The following PTPRD variants were observed in gnomAD, a reference collection of about 807,000 sequenced individuals.
The protein encoded by PTPRD is protein tyrosine phosphatase receptor type D, also known as receptor-type tyrosine-protein phosphatase delta.
PTPRD carries 34 observed loss-of-function variants against 214.5 expected under a neutral mutation model. The ratio of observed to expected loss-of-function variants is 0.16; its 90% CI spans 0.12 to 0.21. PTPRD has a LOEUF of 0.21. Among genes scored for constraint, PTPRD ranks in the 10% least tolerant of loss-of-function variants. The probability of loss-of-function intolerance (pLI) is 1.00; values close to 1 mark genes in which losing one functional copy is unlikely to be tolerated. For missense variants in PTPRD, 2,545 were observed against 2,398.7 expected (o/e 1.06, Z -1.27); for synonymous variants, 1,128 against 845.7 (o/e 1.33, Z -5.79).
intron 2 of PTPRD, among the ~76,000 whole-genome samples, chr9:10,421,428 T>G (rs1420102996): frequency 2.0e-5 from 3 of 152,076 alleles, no homozygotes; most frequent in South Asian, 4.1e-4. Flanking sequence ...ATAGAAGAGA[T>G]ATGAATTATA....
At position 10,211,830 on chromosome 9, in the gene PTPRD, G is replaced by A. The variant is rs558815635; in HGVS notation, c.-545+129133C>T. Among the ~76,000 whole-genome samples, 14 of 152,184 alleles carry A rather than the reference G, an allele frequency of 9.2e-5. 1 individual carries two copies. Among genetic ancestry groups the A allele is most frequent in the African/African-American group, 3.4e-4 (14 of 41,524 alleles). On this transcript the variant is annotated intron_variant, in intron 3 of 45. Transcript: ENST00000381196. ...AAGAAGAGAGGGGGGTGAGGGATGA[G>A]AAATTACTTAACAGGTACAATGTAC...
intron 5 of PTPRD, among the ~76,000 whole-genome samples, chr9:9,845,502 T>A (rs1194806484): frequency 6.6e-6 from 1 of 151,070 alleles, no homozygotes; most frequent in Non-Finnish European, 1.5e-5. Flanking sequence ...GAGGGTGAGG[T>A]GGGGGGCATC....
chr9:8,330,207 C>CACTGTCCAACCAGTCCCAATG (rs1838646788), intron 44 of PTPRD, among the ~76,000 whole-genome samples: 1 of 152,150 alleles, frequency 6.6e-6, no homozygotes, highest in Non-Finnish European at 1.5e-5. Flanking sequence ...GGGCTGCACC[C>CACTGTCCAACCAGTCCCAATG]ACTGTCCAAC....
intron 4 of PTPRD, among the ~76,000 whole-genome samples, chr9:10,030,675 C>T (rs1041050931): frequency 6.6e-5 from 10 of 152,250 alleles, no homozygotes; most frequent in African/African-American, 2.2e-4. Flanking sequence ...CTGGATTCCA[C>T]GTGGAGAATC....
At chr9:9,761,846 G>A (rs1001160117) in intron 6 of PTPRD, among the ~76,000 whole-genome samples, 13 of 152,010 alleles carry the variant, frequency 8.6e-5, no homozygotes, top group South Asian at 6.2e-4. Context: ...CAAAATCTGC[G>A]AATTATTCCA....
chr9:9,114,420 C>T (rs560342062), intron 10 of PTPRD, among the ~76,000 whole-genome samples: 20 of 152,246 alleles, frequency 1.3e-4, no homozygotes, highest in African/African-American at 4.6e-4. Flanking sequence ...GCTTGTACAA[C>T]ATGTAAAACC....
intron 9 of PTPRD, among the ~76,000 whole-genome samples, chr9:9,334,690 T>G (rs905392325): frequency 1.3e-5 from 2 of 151,990 alleles, no homozygotes; most frequent in African/African-American, 4.8e-5. Flanking sequence ...ATTATTCAAA[T>G]CACTGACCAC....
chr9:8,525,452 G>A (rs1371747002), intron 17 of PTPRD, among the ~76,000 whole-genome samples: 2 of 152,062 alleles, frequency 1.3e-5, no homozygotes, highest in Non-Finnish European at 2.9e-5. Context: ...AAAAAAACCA[G>A]GCTGGGTTTT....
At chr9:9,047,803 C>G (rs1380626462) in intron 10 of PTPRD, among the ~76,000 whole-genome samples, 1 of 152,110 alleles carries the variant, frequency 6.6e-6, no homozygotes, top group Non-Finnish European at 1.5e-5. Flanking sequence ...TGGAGAAGCT[C>G]TGCAGGACAT....
intron 2 of PTPRD, among the ~76,000 whole-genome samples, chr9:10,412,113 A>G (rs1014100688): frequency 3.3e-5 from 5 of 151,896 alleles, no homozygotes; most frequent in Non-Finnish European, 5.9e-5. Context: ...AAACAGCCTG[A>G]GGGAAGATTT....
intron 20 of PTPRD, among the ~76,000 whole-genome samples, chr9:8,518,637 T>C (rs1487011352): frequency 6.6e-6 from 1 of 152,232 alleles, no homozygotes; most frequent in Non-Finnish European, 1.5e-5. Flanking sequence ...CTAGAAGGGC[T>C]TGATAGCATA....
At chr9:9,834,935 G>A (rs976298404) in intron 5 of PTPRD, among the ~76,000 whole-genome samples, 2 of 146,236 alleles carry the variant, frequency 1.4e-5, no homozygotes, top group African/African-American at 5.0e-5. Context: ...AGGTACTTTT[G>A]TTTTTTTTTT....
intron 5 of PTPRD, among the ~76,000 whole-genome samples, chr9:9,856,163 C>T (rs1453203015): frequency 6.6e-6 from 1 of 152,114 alleles, no homozygotes; most frequent in Non-Finnish European, 1.5e-5. Context: ...GAAGTTGCAC[C>T]GTCAAGCTGT....
intron 4 of PTPRD, among the ~76,000 whole-genome samples, chr9:10,029,455 G>A (rs1389286235): frequency 1.3e-5 from 2 of 152,192 alleles, no homozygotes; most frequent in Non-Finnish European, 2.9e-5. Flanking sequence ...GCTATACCCT[G>A]CAAAGCCACA....
intron 10 of PTPRD, among the ~76,000 whole-genome samples, chr9:9,031,913 A>G (rs183038495): frequency 4.6e-5 from 7 of 152,122 alleles, no homozygotes; most frequent in African/African-American, 1.7e-4. Context: ...TACTAAATGG[A>G]AGACTACCTA....
At chr9:9,702,190 G>A (rs1403258105) in intron 7 of PTPRD, among the ~76,000 whole-genome samples, 1 of 152,090 alleles carries the variant, frequency 6.6e-6, no homozygotes. Context: ...AAAGAAAAGG[G>A]CTAAGAACAT....
chr9:9,651,588 G>A (rs1013963878), intron 7 of PTPRD, among the ~76,000 whole-genome samples: 2 of 151,990 alleles, frequency 1.3e-5, no homozygotes, highest in African/African-American at 4.8e-5. Context: ...CTTTATTATG[G>A]CTGCATAGTA....
rs552959400 is a variant in PTPRD, at chr9:9,573,548, T to G, written c.-237+1184A>C. On this transcript the variant is annotated intron_variant, in intron 8 of 45. Transcript: ENST00000381196. Reference sequence around the variant, plus strand: ...AAGATAATTAAAACACTGGAGATAATAGTAATTTTTAGAATACTTTTGTTT... The same window carrying G: ...AAGATAATTAAAACACTGGAGATAAGAGTAATTTTTAGAATACTTTTGTTT... Among the ~76,000 whole-genome samples the G allele has an allele frequency of 1.3e-4, 20 of 151,858 alleles. No homozygotes were observed. In the South Asian group the frequency reaches 4.1e-3, roughly 31 times the overall value.
chr9:8,559,093 T>A (rs986460582), intron 14 of PTPRD, among the ~76,000 whole-genome samples: 1 of 152,186 alleles, frequency 6.6e-6, no homozygotes, highest in Admixed American at 6.5e-5. Context: ...TTATTCTGAC[T>A]GAGATGACAT....
Sources: allele counts gnomAD v4.1 joint callset (sites outside exome capture counted in the v4.1 genomes callset), GRCh38; gene constraint gnomAD v4.1.1; transcripts MANE v1.5; gene names NCBI Gene and HGNC (gene_info 2026-07-23, HGNC 2026-07-21).